Variants in UTRN observed in about 807,000 individuals in gnomAD.
UTRN encodes dystrophin-related protein 1.
Under a neutral mutation model 463.9 loss-of-function variants are expected in UTRN, and 283 were observed. That is an observed-to-expected ratio of 0.61 (90% CI 0.55 to 0.67). The LOEUF is 0.67. Among genes scored for constraint, UTRN ranks in the 30% least tolerant of loss-of-function variants. UTRN has a pLI of 0.00. For synonymous variants in UTRN, 1,442 were observed against 1,431.5 expected (o/e 1.01, Z -0.17); for missense variants, 3,922 against 4,084.3 (o/e 0.96, Z 1.08).
intron 23 of UTRN, among the ~76,000 whole-genome samples, chr6:144,470,485 C>T (rs1272532268): frequency 2.0e-5 from 3 of 151,412 alleles, no homozygotes; most frequent in Non-Finnish European, 2.9e-5. Context: ...GGGGCAGAGA[C>T]GCTCCCCACA....
chr6:144,324,566 C>T (rs937283323), intron 2 of UTRN, among the ~76,000 whole-genome samples: 1 of 152,200 alleles, frequency 6.6e-6, no homozygotes, highest in Non-Finnish European at 1.5e-5. Context: ...GAATTCAAGA[C>T]TATGAGAACC....
intron 51 of UTRN, among the ~76,000 whole-genome samples, chr6:144,633,222 T>A (rs1260188473): frequency 2.2e-5 from 3 of 136,112 alleles, no homozygotes; most frequent in African/African-American, 9.0e-5. Context: ...AACTCACTAC[T>A]TCTCCTTTTT....
At chr6:144,840,650 G>C (rs1206660073) in intron 72 of UTRN, 90 bp from the exon 73 acceptor site, 1 of 1,391,984 alleles carries the variant, frequency 7.2e-7, no homozygotes, top group East Asian at 2.3e-5. Flanking sequence ...TTAGAGGCTG[G>C]TTGGAGTATT....
chr6:144,634,870 T>A (rs1388218860), intron 51 of UTRN, among the ~76,000 whole-genome samples: 3 of 152,210 alleles, frequency 2.0e-5, no homozygotes, highest in Non-Finnish European at 1.5e-5. Context: ...CATTGATAAA[T>A]AATATTCCAC....
intron 53 of UTRN, among the ~76,000 whole-genome samples, chr6:144,718,448 T>A (rs1027445271): frequency 1.3e-5 from 2 of 152,156 alleles, no homozygotes; most frequent in Non-Finnish European, 2.9e-5. Flanking sequence ...GGCAACAGAG[T>A]GAGACCCTGT....
At chr6:144,772,320 C>T (rs1229846578) in intron 59 of UTRN, among the ~76,000 whole-genome samples, 1 of 151,984 alleles carries the variant, frequency 6.6e-6, no homozygotes, top group East Asian at 1.9e-4. Context: ...CCACTGTGCC[C>T]GGCCGAGAAC....
chr6:144,837,686 T>G (rs1781214519), intron 71 of UTRN, among the ~76,000 whole-genome samples: 1 of 152,238 alleles, frequency 6.6e-6, no homozygotes, highest in Non-Finnish European at 1.5e-5. Context: ...AAACTGCCTT[T>G]TCACAGTTGC....
chr6:144,358,663 G>T (rs1778781983), intron 2 of UTRN, among the ~76,000 whole-genome samples: 2 of 151,984 alleles, frequency 1.3e-5, no homozygotes, highest in South Asian at 2.1e-4. Context: ...TGAGATGGGG[G>T]TCTCACTATG....
chr6:144,844,266 C>T (rs980190299), intron 73 of UTRN, among the ~76,000 whole-genome samples: 17 of 151,362 alleles, frequency 1.1e-4, no homozygotes, highest in East Asian at 3.9e-4. Flanking sequence ...GTGTCTTTCT[C>T]TCTCTTTTTT....
At chr6:144,583,949 A>G (rs1327599741) in intron 51 of UTRN, among the ~76,000 whole-genome samples, 1 of 152,230 alleles carries the variant, frequency 6.6e-6, no homozygotes, top group Non-Finnish European at 1.5e-5. Flanking sequence ...AATCTTATGT[A>G]AATTTTAGTA....
rs144811120 is a variant in UTRN, at chr6:144,552,682, C to T, written c.6928+1600C>T. Among the ~76,000 whole-genome samples, 349 of 152,188 alleles carry T rather than the reference C, an allele frequency of 2.3e-3. 1 individual carries two copies. The highest frequency in any genetic ancestry group is 4.0e-3 in the Non-Finnish European group (275 of 67,998). ...TCCTCATTATATGAAAAACCCTTCC[C>T]AGGGGGAATGTATTGCTACCAATAG... On this transcript the variant is annotated intron_variant, in intron 48 of 74. Transcript: ENST00000367545.
intron 53 of UTRN, 110 bp from the exon 54 acceptor site, chr6:144,730,247 T>C: frequency 8.3e-7 from 1 of 1,207,838 alleles, no homozygotes; most frequent in Non-Finnish European, 1.1e-6. Context: ...AAATGCTTGC[T>C]ATTAGTCATT....
At chr6:144,794,081 G>A in intron 63 of UTRN, 90 bp downstream of exon 63, 3 of 1,510,692 alleles carry the variant, frequency 2.0e-6, no homozygotes, top group Non-Finnish European at 2.7e-6. Flanking sequence ...TCGGGCTGGA[G>A]CCAAATACTG....
chr6:144,612,791 A>G (rs893010430), intron 51 of UTRN, among the ~76,000 whole-genome samples: 2 of 152,138 alleles, frequency 1.3e-5, no homozygotes, highest in Non-Finnish European at 2.9e-5. Context: ...GTAAAATGGT[A>G]TGAAGGTTCT....
intron 1 of UTRN, among the ~76,000 whole-genome samples, chr6:144,290,931 ATT>A (rs552232592): frequency 7.1e-5 from 10 of 140,190 alleles, no homozygotes; most frequent in African/African-American, 5.3e-5. Context: ...TGCCTGGCTA[ATT>A]TTTTTTTTTT....
chr6:144,525,602 A>C (rs1032902680), intron 41 of UTRN, among the ~76,000 whole-genome samples: 7 of 151,270 alleles, frequency 4.6e-5, no homozygotes, highest in African/African-American at 7.3e-5. Context: ...ATAGTCTGTA[A>C]ATTTTATTTA....
chr6:144,291,683 T>C, intron 1 of UTRN, 54 bp from the exon 2 acceptor site: 1 of 558,720 alleles, frequency 1.8e-6, no homozygotes, highest in Non-Finnish European at 3.0e-6. Context: ...CGAATAACTA[T>C]ATAAAATATA....
At chr6:144,334,834 C>T (rs559006829) in intron 2 of UTRN, among the ~76,000 whole-genome samples, 13 of 152,246 alleles carry the variant, frequency 8.5e-5, no homozygotes, top group South Asian at 2.1e-4. Flanking sequence ...ACTCACAGCA[C>T]GAATTTGGTG....
chr6:144,771,612 G>A (rs760409317), intron 58 of UTRN, among the ~76,000 whole-genome samples: 2 of 151,774 alleles, frequency 1.3e-5, no homozygotes, highest in African/African-American at 2.4e-5. Context: ...TTTTAGTAGC[G>A]ATGGGATTTC....
Sources: allele counts gnomAD v4.1 joint callset (sites outside exome capture counted in the v4.1 genomes callset), GRCh38; gene constraint gnomAD v4.1.1; transcripts MANE v1.5; gene names NCBI Gene and HGNC (gene_info 2026-07-23, HGNC 2026-07-21).